Variants in COX10 observed in about 807,000 individuals in gnomAD.
COX10 encodes protoheme IX farnesyltransferase, mitochondrial.
In COX10, 27 loss-of-function variants were observed where a neutral mutation model predicts 37.3. The observed-to-expected ratio is 0.72, with a 90% CI of 0.53 to 1.00. COX10 has a LOEUF of 1.00. Among genes scored for constraint, COX10 ranks in the 50% least tolerant of loss-of-function variants. The pLI, the probability that COX10 is intolerant of heterozygous loss-of-function variation, is 0.00. For missense variants in COX10, 475 were observed against 563.2 expected (o/e 0.84, Z 1.59); for synonymous variants, 222 against 229.1 (o/e 0.97, Z 0.28).
intron 4 of COX10, among the ~76,000 whole-genome samples, chr17:14,148,384 A>T (rs1019489171): frequency 1.4e-4 from 21 of 152,202 alleles, no homozygotes; most frequent in African/African-American, 4.8e-4. Context: ...GTAATGGCAC[A>T]TGGAATCCTG....
At chr17:14,123,026 G>C (rs542228037) in intron 4 of COX10, among the ~76,000 whole-genome samples, 1 of 152,290 alleles carries the variant, frequency 6.6e-6, no homozygotes, top group South Asian at 2.1e-4. Flanking sequence ...AGGGAGCTAG[G>C]AGTGACAATG....
chr17:14,133,401 A>G (rs1476842577), intron 4 of COX10, among the ~76,000 whole-genome samples: 1 of 151,644 alleles, frequency 6.6e-6, no homozygotes, highest in Non-Finnish European at 1.5e-5. Flanking sequence ...AATACTATTA[A>G]TTTTTAAATT....
chr17:14,138,598 T>C (rs1248509102), intron 4 of COX10, among the ~76,000 whole-genome samples: 1 of 152,184 alleles, frequency 6.6e-6, no homozygotes, highest in Non-Finnish European at 1.5e-5. Context: ...CTGTGAAAAG[T>C]GCTCAGGTGT....
chr17:14,180,747 T>C (rs1472306272), intron 5 of COX10, among the ~76,000 whole-genome samples: 2 of 152,170 alleles, frequency 1.3e-5, no homozygotes, highest in African/African-American at 4.8e-5. Context: ...TAATCTAGGG[T>C]CATTTTGCCT....
Position 14,102,206 on chromosome 17 carries a change from A to T in COX10, c.588A>T (p.Thr196=). 1 of 1,613,748 alleles carries T rather than the reference A, an allele frequency of 6.2e-7. No homozygotes were observed. The highest frequency in any genetic ancestry group is 8.5e-7 in the Non-Finnish European group (1 of 1,179,736). The stretch of plus-strand genomic sequence containing the variant: ...GTTTCCTGCTTACTTCTGTTGGGAC[A>T]GGCCTTGCATCCTGTGCTGCCAACT... ...WPCFLLTSVG[T]GLASCAANSI... The change falls in exon 4 of 7, where the codon ACA becomes ACT. Residue 196 remains threonine, a synonymous_variant. Transcript: ENST00000261643.
intron 3 of COX10, among the ~76,000 whole-genome samples, chr17:14,083,060 T>C (rs1331649199): frequency 2.0e-5 from 3 of 152,158 alleles, no homozygotes; most frequent in African/African-American, 4.8e-5. Context: ...GGGCAAAATC[T>C]GGACCACAGA....
At chr17:14,087,907 G>A (rs1915447641) in intron 3 of COX10, among the ~76,000 whole-genome samples, 1 of 152,046 alleles carries the variant, frequency 6.6e-6, no homozygotes, top group Non-Finnish European at 1.5e-5. Context: ...CATCAGAAAA[G>A]TGTTCTGCCT....
Position 14,076,923 on chromosome 17 carries a change from G to T in COX10, c.366G>T (p.Glu122Asp), listed in dbSNP as rs765604843. The change falls in exon 3 of 7, where the codon GAG becomes GAT. Residue 122 changes from glutamate (E) to aspartate (D), a missense_variant. By Grantham distance (45) the Glu-to-Asp change is conservative. Transcript: ENST00000261643. ...ATGAAAAGGAATTGATAGAACTAGA[G>T]CCAGACTCAGTAATTGAAGACTCAA... ...KPNEKELIEL[E>D]PDSVIEDSID... 2 of 1,614,158 alleles carry T rather than the reference G, an allele frequency of 1.2e-6. No individual in the cohort carries two copies. Among genetic ancestry groups the T allele is most frequent in the South Asian group, 2.2e-5 (2 of 91,082 alleles).
chr17:14,174,067 A>T (rs1244267655), intron 5 of COX10, among the ~76,000 whole-genome samples: 1 of 152,058 alleles, frequency 6.6e-6, no homozygotes, highest in Non-Finnish European at 1.5e-5. Flanking sequence ...TACAAGCCAC[A>T]GAGTAGGAGA....
At chr17:14,156,470 C>T (rs747466084) in intron 4 of COX10, among the ~76,000 whole-genome samples, 5 of 152,268 alleles carry the variant, frequency 3.3e-5, no homozygotes, top group Middle Eastern at 3.4e-3. Context: ...ACTCGTGATC[C>T]GCCCCCCTTG....
chr17:14,149,023 T>C (rs926229073), intron 4 of COX10, among the ~76,000 whole-genome samples: 2 of 148,636 alleles, frequency 1.3e-5, no homozygotes, highest in African/African-American at 4.9e-5. Context: ...AATATATTTA[T>C]AATATATTAA....
At chr17:14,110,104 G>A (rs928048797) in intron 4 of COX10, among the ~76,000 whole-genome samples, 1 of 151,986 alleles carries the variant, frequency 6.6e-6, no homozygotes, top group Admixed American at 6.6e-5. Flanking sequence ...TTATTTTGGA[G>A]AAAATTACAA....
chr17:14,117,291 T>C (rs1247920849), intron 4 of COX10, among the ~76,000 whole-genome samples: 1 of 152,178 alleles, frequency 6.6e-6, no homozygotes, highest in Non-Finnish European at 1.5e-5. Flanking sequence ...TCAAATCTGT[T>C]GTTTTGTAGT....
intron 6 of COX10, among the ~76,000 whole-genome samples, chr17:14,199,955 G>T (rs531803024): frequency 3.3e-5 from 5 of 152,156 alleles, no homozygotes; most frequent in Non-Finnish European, 7.3e-5. Flanking sequence ...GAGCAGACGC[G>T]CTACCGTGGG....
chr17:14,085,370 A>G (rs1915387337), intron 3 of COX10, among the ~76,000 whole-genome samples: 1 of 152,284 alleles, frequency 6.6e-6, no homozygotes, highest in Non-Finnish European at 1.5e-5. Flanking sequence ...ATACTTCCTC[A>G]TCAATACAAT....
chr17:14,176,121 C>T (rs1905680950), intron 5 of COX10, among the ~76,000 whole-genome samples: 1 of 151,958 alleles, frequency 6.6e-6, no homozygotes. Flanking sequence ...ATAGCTTGGA[C>T]CAGGGTGGTC....
chr17:14,192,318 C>T (rs1906231577), intron 6 of COX10, 97 bp downstream of exon 6: 13 of 1,613,628 alleles, frequency 8.1e-6, no homozygotes, highest in African/African-American at 4.0e-5. Context: ...CCATTCCATC[C>T]CACATTAATT....
intron 4 of COX10, among the ~76,000 whole-genome samples, chr17:14,136,206 T>C (rs1660756128): frequency 6.6e-6 from 1 of 152,020 alleles, no homozygotes; most frequent in Non-Finnish European, 1.5e-5. Context: ...CGAGAAATTT[T>C]AGAAATATTT....
At chr17:14,102,811 C>T (rs1044584657) in intron 4 of COX10, among the ~76,000 whole-genome samples, 7 of 151,912 alleles carry the variant, frequency 4.6e-5, no homozygotes, top group African/African-American at 1.5e-4. Context: ...TTTTTCCCAT[C>T]TAGTCACTGT....
Sources: allele counts gnomAD v4.1 joint callset (sites outside exome capture counted in the v4.1 genomes callset), GRCh38; gene constraint gnomAD v4.1.1; transcripts MANE v1.5; gene names NCBI Gene and HGNC (gene_info 2026-07-23, HGNC 2026-07-21).